Variants in SEMA4F observed in about 807,000 individuals in gnomAD.
The protein encoded by SEMA4F is semaphorin-4F.
A neutral mutation model predicts 78.4 loss-of-function variants in SEMA4F; 51 were observed. The observed-to-expected ratio is 0.65, with a 90% confidence interval of 0.52 to 0.82. The LOEUF (loss-of-function observed/expected upper bound fraction) is 0.82, where lower values mean the gene tolerates loss of function less well. Among genes scored for constraint, SEMA4F ranks in the 40% least tolerant of loss-of-function variants. The pLI is 0.00. For missense variants in SEMA4F, 938 were observed against 1,014.4 expected, an observed-to-expected ratio of 0.92 and a Z score of 1.02; for synonymous variants, 418 against 408.7, an observed-to-expected ratio of 1.02 and a Z score of -0.27.
the SEMA4F span, among the ~76,000 whole-genome samples, chr2:74,698,673 G>A: frequency 3.9e-5 from 6 of 152,232 alleles, no homozygotes; most frequent in Non-Finnish European, 7.3e-5. Flanking sequence ...TATCCACTGA[G>A]AGGTTCCTTA....
chr2:74,670,267 C>G (rs769324750), intron 5 of SEMA4F, among the ~76,000 whole-genome samples: 1 of 152,144 alleles, frequency 6.6e-6, no homozygotes, highest in Non-Finnish European at 1.5e-5. Flanking sequence ...GTAATGGTTG[C>G]TATTCCTTCT....
At chr2:74,704,631 A>G in the SEMA4F span, among the ~76,000 whole-genome samples, 1 of 151,956 alleles carries the variant, frequency 6.6e-6, no homozygotes, top group Non-Finnish European at 1.5e-5. Context: ...TTATTAGGGG[A>G]CAAATATTGT....
At chr2:74,671,804 T>C (rs921850568) in intron 5 of SEMA4F, among the ~76,000 whole-genome samples, 1 of 152,216 alleles carries the variant, frequency 6.6e-6, no homozygotes, top group Non-Finnish European at 1.5e-5. Flanking sequence ...TGGTTAATAA[T>C]GTCACCACTG....
chr2:74,666,284 G>A (rs897471912), intron 5 of SEMA4F, among the ~76,000 whole-genome samples: 1 of 152,190 alleles, frequency 6.6e-6, no homozygotes, highest in African/African-American at 2.4e-5. Context: ...ATTCATATTA[G>A]AATGTGGTTT....
chr2:74,655,555 G>A (rs555497490), intron 1 of SEMA4F, among the ~76,000 whole-genome samples: 7 of 152,318 alleles, frequency 4.6e-5, no homozygotes, highest in South Asian at 4.1e-4. Flanking sequence ...TGCCATATAG[G>A]GATGCTGTGA....
In SEMA4F at chr2:74,675,538, C is replaced by A. The variant is rs758034070; in HGVS notation, c.1386C>A (p.Leu462=). 7 of 1,614,080 alleles carry A rather than the reference C, an allele frequency of 4.3e-6. No homozygotes were observed. The highest frequency in any genetic ancestry group is 5.9e-6 in the Non-Finnish European group (7 of 1,179,904). The change falls in exon 11 of 14, where the codon CTC becomes CTA. Residue 462 remains leucine, a synonymous_variant. Transcript: ENST00000357877. ...VLYLGTEDGH[L]HRAVRIGAQL... ...CCTGTCCCCTAGAGGATGGACACCT[C>A]CACCGAGCAGTGCGGATCGGAGCTC... is the stretch of plus-strand genomic sequence containing the variant.
chr2:74,662,691 C>T (rs368222961), intron 4 of SEMA4F, 41 bp from the exon 5 acceptor site: 3 of 1,515,568 alleles, frequency 2.0e-6, no homozygotes, highest in Non-Finnish European at 2.8e-6. Context: ...CATGAACCTT[C>T]CCTATGACCC....
intron 7 of SEMA4F, 150 bp downstream of exon 7, chr2:74,673,978 G>C (rs1470182907): frequency 8.4e-6 from 8 of 947,100 alleles, no homozygotes; most frequent in Admixed American, 7.2e-5. Flanking sequence ...TGAGGAATGT[G>C]AGAGAGAGGC....
intron 5 of SEMA4F, among the ~76,000 whole-genome samples, chr2:74,670,868 A>G (rs764577990): frequency 6.6e-6 from 1 of 152,204 alleles, no homozygotes; most frequent in Non-Finnish European, 1.5e-5. Context: ...AAGGGAATGG[A>G]ATATCTTTGT....
Position 74,659,129 on chromosome 2 carries a change from C to T in SEMA4F, c.456+1178C>T, listed in dbSNP as rs532571670. Among the ~76,000 whole-genome samples, 8 of 152,304 alleles carry T rather than the reference C, an allele frequency of 5.3e-5. No homozygotes were observed. In the East Asian group the frequency reaches 5.8e-4, roughly 11 times the overall value. On this transcript the variant is annotated intron_variant, in intron 4 of 13. Transcript: ENST00000357877. ...ATAGCTCCCTCATTCTGGAAAGGTT[C>T]GCAGTTCAGGGTGTTGGTGAAAATC...
the SEMA4F span, among the ~76,000 whole-genome samples, chr2:74,688,894 G>A: frequency 6.6e-6 from 1 of 152,092 alleles, no homozygotes; most frequent in African/African-American, 2.4e-5. Context: ...AAATAGATTG[G>A]GGGGTGTTCA....
chr2:74,688,467 G>C (rs930318748), downstream of SEMA4F, among the ~76,000 whole-genome samples: 6 of 152,056 alleles, frequency 3.9e-5, no homozygotes, highest in Non-Finnish European at 1.5e-5. Flanking sequence ...TGAGCTTTTA[G>C]AAATCAGTAA....
chr2:74,681,317 GTGTCTGTA>G lies in SEMA4F; in HGVS notation c.*1114_*1121del, dbSNP rs1281187685. 1 of 152,620 alleles carries G rather than the reference GTGTCTGTA, an allele frequency of 6.6e-6. No homozygotes were observed. Among genetic ancestry groups the G allele is most frequent in the African/African-American group, 2.4e-5 (1 of 41,430 alleles). 9.5% of individuals were successfully genotyped at this position (152,620 alleles called of 1,614,324 possible). On this transcript the variant is annotated 3_prime_UTR_variant, in exon 14 of 14. Transcript: ENST00000357877. ...TATGCAAAATGTTGTTTGTACATGT[GTGTCTGTA>G]TGTCTCTGTGGGGAGGTTTTATGGC...
chr2:74,672,986 C>T (rs553906899), intron 5 of SEMA4F, among the ~76,000 whole-genome samples: 5 of 152,144 alleles, frequency 3.3e-5, no homozygotes, highest in South Asian at 2.1e-4. Flanking sequence ...TCTCTAAAAT[C>T]GTGACTTGTT....
At chr2:74,678,100 T>A (rs1294963791) in intron 12 of SEMA4F, among the ~76,000 whole-genome samples, 1 of 152,208 alleles carries the variant, frequency 6.6e-6, no homozygotes, top group Non-Finnish European at 1.5e-5. Flanking sequence ...TTTTAGTTTT[T>A]TGGGGGAGAA....
chr2:74,691,537 G>A, the SEMA4F span, among the ~76,000 whole-genome samples: 1 of 152,274 alleles, frequency 6.6e-6, no homozygotes, highest in South Asian at 2.1e-4. Context: ...CCCTCTTTTG[G>A]AGGTCTCGTA....
In SEMA4F at chr2:74,662,809, A is replaced by G; in HGVS notation, c.534A>G (p.Ser178=). ...GTCCTTTTGAGCCAGCTCAGCGGTC[A>G]GCAGCTGTAATGGCTGGTGAGTGGG... ...GKCPFEPAQR[S]AAVMAGGVLY... is the part of the protein sequence containing the mutation. The change falls in exon 5 of 14, where the codon TCA becomes TCG. Residue 178 remains serine, a synonymous_variant. Transcript: ENST00000357877. 3.7e-6 allele frequency: 6 copies of G among 1,614,210 alleles called. No homozygotes were observed. The highest frequency in any genetic ancestry group is 5.1e-6 in the Non-Finnish European group (6 of 1,180,012).
At position 74,675,771 on chromosome 2, in the gene SEMA4F, G is replaced by A. The variant is rs199961625; in HGVS notation, c.1505G>A (p.Arg502His). 1.9e-5 allele frequency: 31 copies of A among 1,614,150 alleles called. 1 individual carries two copies. In the East Asian group the frequency reaches 5.8e-4, roughly 30 times the overall value. ...TAGAGCTGGCTCCTGGTTGGCTCCC[G>A]TACTGAGGTGACACAAGTGAATACA... ...LYHSWLLVGS[R>H]TEVTQVNTTN... The change falls in exon 12 of 14, where the codon CGT (arginine) becomes CAT (histidine). Residue 502 changes from arginine to histidine, a missense_variant. Arg to His is a conservative substitution (Grantham distance 29). Coordinates refer to ENST00000357877, the MANE Select transcript of SEMA4F (RefSeq NM_004263.5).
In SEMA4F at chr2:74,658,354, A is replaced by G. The variant is rs1446383223; in HGVS notation, c.456+403A>G. 6.6e-6 allele frequency among the ~76,000 whole-genome samples: 1 copy of G among 152,160 alleles called. No homozygotes were observed. Among genetic ancestry groups the G allele is most frequent in the African/African-American group, 2.4e-5 (1 of 41,424 alleles). On this transcript the variant is annotated intron_variant, in intron 4 of 13. Transcript: ENST00000357877. This position sits in a 1 kb window ranked among gnomAD's most constrained non-coding sequence, Gnocchi z 4.3. ...GTCCATTTCTTAATTAGTACAGCCCATTGCCTGTTTCTTCCTTTCACAGCA... is the reference window on the plus strand; with the variant it reads ...GTCCATTTCTTAATTAGTACAGCCCGTTGCCTGTTTCTTCCTTTCACAGCA...
Sources: allele counts gnomAD v4.1 joint callset (sites outside exome capture counted in the v4.1 genomes callset), GRCh38; gene constraint gnomAD v4.1.1; non-coding constraint Gnocchi (gnomAD v3.1); transcripts MANE v1.5; gene names NCBI Gene and HGNC (gene_info 2026-07-23, HGNC 2026-07-21).